Variants in SIPA1L2 observed in about 807,000 individuals in gnomAD.
The protein encoded by SIPA1L2 is signal-induced proliferation-associated 1-like protein 2.
Under a neutral mutation model 163.9 loss-of-function variants are expected in SIPA1L2, and 56 were observed. The observed-to-expected ratio is 0.34, with a 90% CI of 0.28 to 0.43. The LOEUF (loss-of-function observed/expected upper bound fraction) is 0.43, where lower values mean the gene tolerates loss of function less well. Ranked by LOEUF, SIPA1L2 falls within the 20% of genes least tolerant of loss-of-function variation. The pLI is 1.00. For synonymous variants in SIPA1L2, 877 were observed against 865.7 expected (o/e 1.01, Z -0.23); for missense variants, 1,974 against 2,193.5 (o/e 0.90, Z 2.00).
Position 232,465,193 on chromosome 1 carries a change from C to A in SIPA1L2, c.2467G>T (p.Asp823Tyr). The change falls in exon 9 of 23, where the codon GAT becomes TAT. Residue 823 changes from aspartate (D) to tyrosine (Y), a missense_variant. By Grantham distance (160) the Asp-to-Tyr change is radical. Transcript: ENST00000674635. The surrounding 1 kb of genome is among the most constrained non-coding windows in gnomAD (Gnocchi z 4.1). ...ATGAAGCTGAACTTCACAGAGGTAT[C>A]CACGGTGGCGGTTGTGACAAAGTTC... Reference protein sequence around the residue: ...AENFVTTATVDTSVKFSFITL... With the variant: ...AENFVTTATVYTSVKFSFITL... The A allele has an allele frequency of 6.2e-7, 1 of 1,614,194 alleles. No individual in the cohort carries two copies. The highest frequency in any genetic ancestry group is 8.5e-7 in the Non-Finnish European group (1 of 1,180,036).
At chr1:232,550,727 G>A (rs1658328976) in intron 2 of SIPA1L2, among the ~76,000 whole-genome samples, 2 of 152,214 alleles carry the variant, frequency 1.3e-5, no homozygotes, top group African/African-American at 4.8e-5. Flanking sequence ...CCCCTCGGGA[G>A]GTGATGCATT....
At chr1:232,594,127 T>TA (rs1661113976) in intron 1 of SIPA1L2, among the ~76,000 whole-genome samples, 1 of 152,160 alleles carries the variant, frequency 6.6e-6, no homozygotes, top group Non-Finnish European at 1.5e-5. Context: ...CCTCTCCAGA[T>TA]AGAGTGAGAT....
intron 1 of SIPA1L2, among the ~76,000 whole-genome samples, chr1:232,612,589 A>C (rs1391716409): frequency 1.3e-5 from 2 of 152,194 alleles, no homozygotes; most frequent in African/African-American, 4.8e-5. Context: ...TCAGACTTGC[A>C]TGGGCCCTGT....
chr1:232,584,726 T>A (rs763588121), intron 1 of SIPA1L2, among the ~76,000 whole-genome samples: 2 of 152,204 alleles, frequency 1.3e-5, no homozygotes, highest in African/African-American at 2.4e-5. Flanking sequence ...CATTCTCAGA[T>A]GAACTTCTTA....
intron 2 of SIPA1L2, among the ~76,000 whole-genome samples, chr1:232,532,535 CA>C (rs1657027450): frequency 6.6e-6 from 1 of 152,120 alleles, no homozygotes; most frequent in Admixed American, 6.5e-5. Flanking sequence ...GCTATATGTT[CA>C]AATCATTTGG....
At chr1:232,476,242 T>A (rs945048710) in intron 7 of SIPA1L2, among the ~76,000 whole-genome samples, 1 of 152,160 alleles carries the variant, frequency 6.6e-6, no homozygotes, top group Non-Finnish European at 1.5e-5. Flanking sequence ...ACCTCTTTGG[T>A]GTCAAGCCCA....
In SIPA1L2 at chr1:232,515,508, A is replaced by G. The variant is rs1044092918; in HGVS notation, c.-169T>C. 26 of 647,534 alleles carry G rather than the reference A, an allele frequency of 4.0e-5. No individual in the cohort carries two copies. In the Admixed American group the frequency reaches 6.4e-4, roughly 16 times the overall value. 40.1% of individuals were successfully genotyped at this position (647,534 alleles called of 1,614,324 possible). A position where few individuals can be genotyped will look rare whatever the true frequency, so the allele number is the denominator to read the frequency against. On this transcript the variant is annotated 5_prime_UTR_variant, in exon 3 of 23. Transcript: ENST00000674635. ...ACATCCTCAGAATACAGTTTCTTCA[A>G]AGCCAACTTGCTTCTCTGTTGTCGT... is the stretch of plus-strand genomic sequence containing the variant.
chr1:232,450,028 TTAA>T (rs570797070), intron 10 of SIPA1L2, among the ~76,000 whole-genome samples: 126 of 152,266 alleles, frequency 8.3e-4, no homozygotes, highest in Middle Eastern at 3.4e-3. Context: ...CATGGTAGCG[TTAA>T]TAGAGTAGAG....
At chr1:232,501,343 G>A (rs1474616867) in intron 3 of SIPA1L2, among the ~76,000 whole-genome samples, 4 of 152,034 alleles carry the variant, frequency 2.6e-5, no homozygotes, top group African/African-American at 4.8e-5. Flanking sequence ...AACATTGTGC[G>A]ACTCACTTTA....
intron 3 of SIPA1L2, among the ~76,000 whole-genome samples, chr1:232,511,659 T>C (rs1431435465): frequency 6.6e-6 from 1 of 152,118 alleles, no homozygotes; most frequent in Non-Finnish European, 1.5e-5. Context: ...AAGGTCTGTG[T>C]TACCCACCCT....
At chr1:232,619,620 C>T (rs184831060) in intron 1 of SIPA1L2, among the ~76,000 whole-genome samples, 1 of 152,316 alleles carries the variant, frequency 6.6e-6, no homozygotes, top group South Asian at 2.1e-4. Flanking sequence ...CTGACAGCTA[C>T]CCAGGACGGG....
At chr1:232,406,680 G>T (rs1406803481) in intron 19 of SIPA1L2, among the ~76,000 whole-genome samples, 1 of 151,982 alleles carries the variant, frequency 6.6e-6, no homozygotes, top group Non-Finnish European at 1.5e-5. Flanking sequence ...TGAATGGTCT[G>T]ATCAACGTGT....
chr1:232,525,233 C>CTT (rs11389753), intron 2 of SIPA1L2, among the ~76,000 whole-genome samples: 5,348 of 102,896 alleles, frequency 0.052, 642 homozygotes, highest in Middle Eastern at 0.092. Flanking sequence ...ATAATAATAG[C>CTT]TTTTTTTTTT....
At chr1:232,551,994 C>A (rs1046102308) in intron 2 of SIPA1L2, among the ~76,000 whole-genome samples, 1 of 152,142 alleles carries the variant, frequency 6.6e-6, no homozygotes, top group Admixed American at 6.5e-5. Context: ...CGCCCGCCCC[C>A]ACGCCTGGCT....
At position 232,513,784 on chromosome 1, in the gene SIPA1L2, A is replaced by C. The variant is rs138164994; in HGVS notation, c.1483+73T>G. On this transcript the variant is annotated intron_variant, in intron 3 of 22. Transcript: ENST00000674635. Reference sequence around the variant, plus strand: ...ACTCTGAGGAAGGTGCTCCAACACAAAGCAAAACATTGTGACTGGTTCTTA... The same window carrying C: ...ACTCTGAGGAAGGTGCTCCAACACACAGCAAAACATTGTGACTGGTTCTTA... 37 of 1,484,064 alleles carry C rather than the reference A, an allele frequency of 2.5e-5. No homozygotes were observed. The African/African-American group carries it at 4.6e-4, about 19-fold the overall frequency. The allele number at this position is 1,484,064 out of a possible 1,614,324, so 91.9% of individuals were successfully genotyped here. A position where few individuals can be genotyped will look rare whatever the true frequency, so the allele number is the denominator to read the frequency against.
intron 1 of SIPA1L2, among the ~76,000 whole-genome samples, chr1:232,627,771 T>A (rs967311892): frequency 4.6e-5 from 7 of 152,348 alleles, no homozygotes; most frequent in Middle Eastern, 3.4e-3. Flanking sequence ...TCCACCCCCA[T>A]ACCTGTGATC....
chr1:232,589,474 T>C (rs771439296), intron 1 of SIPA1L2, among the ~76,000 whole-genome samples: 4 of 152,238 alleles, frequency 2.6e-5, no homozygotes, highest in African/African-American at 7.2e-5. Flanking sequence ...TTAATTACCA[T>C]AGTTAAGATT....
intron 1 of SIPA1L2, among the ~76,000 whole-genome samples, chr1:232,591,267 T>C (rs779631020): frequency 8.5e-4 from 130 of 152,374 alleles, no homozygotes; most frequent in Non-Finnish European, 1.2e-3. Flanking sequence ...CTTGACCAAA[T>C]TGGAAAATAA....
At chr1:232,464,753 T>A (rs990882572) in intron 9 of SIPA1L2, 87 bp downstream of exon 9, 6 of 1,069,230 alleles carry the variant, frequency 5.6e-6, no homozygotes, top group Non-Finnish European at 8.0e-6. Context: ...ATTGGTATAA[T>A]CATGGTAGCA....
Sources: allele counts gnomAD v4.1 joint callset (sites outside exome capture counted in the v4.1 genomes callset), GRCh38; gene constraint gnomAD v4.1.1; non-coding constraint Gnocchi (gnomAD v3.1); transcripts MANE v1.5; gene names NCBI Gene and HGNC (gene_info 2026-07-23, HGNC 2026-07-21).